KCNJ16: variants seen among roughly 807,000 people sequenced by gnomAD.
KCNJ16 encodes potassium inwardly rectifying channel subfamily J member 16.
Under a neutral mutation model 18.5 loss-of-function variants are expected in KCNJ16, and 15 were observed. That is an observed-to-expected ratio of 0.81 (90% CI 0.54 to 1.25). The LOEUF (loss-of-function observed/expected upper bound fraction) is 1.25, where lower values mean the gene tolerates loss of function less well. Among genes scored for constraint, KCNJ16 ranks in the 50% most tolerant of loss-of-function variants. The pLI is 0.00. For synonymous variants in KCNJ16, 174 were observed against 186.5 expected, an observed-to-expected ratio of 0.93 and a Z score of 0.55; for missense variants, 523 against 525.7, an observed-to-expected ratio of 0.99 and a Z score of 0.05.
chr17:70,101,447 A>G (rs573974087), intron 2 of KCNJ16: 2 of 152,338 alleles, frequency 1.3e-5, no homozygotes, highest in African/African-American at 2.4e-5. Flanking sequence ...CTACATTAAC[A>G]TATCAATCTG....
intron 2 of KCNJ16, among the ~76,000 whole-genome samples, chr17:70,103,900 C>G (rs960430343): frequency 8.6e-5 from 13 of 150,494 alleles, no homozygotes; most frequent in Admixed American, 8.0e-4. Flanking sequence ...ATTTACTGTG[C>G]TATTTATTGG....
chr17:70,081,058 T>C (rs2071531833), intron 1 of KCNJ16, among the ~76,000 whole-genome samples: 1 of 152,226 alleles, frequency 6.6e-6, no homozygotes, highest in Non-Finnish European at 1.5e-5. Context: ...TTCTATTTGT[T>C]TATTTTATTG....
intron 2 of KCNJ16, chr17:70,128,504 T>C (rs2073937494): frequency 6.6e-6 from 1 of 152,152 alleles, no homozygotes; most frequent in South Asian, 2.1e-4. Flanking sequence ...TAAACGTTGA[T>C]GGAAACGCTT....
intron 1 of KCNJ16, among the ~76,000 whole-genome samples, chr17:70,077,961 C>T (rs1461047750): frequency 6.6e-6 from 1 of 152,106 alleles, no homozygotes; most frequent in Non-Finnish European, 1.5e-5. Flanking sequence ...AGCTGGTTAG[C>T]TTCTGCAGAC....
Position 70,132,755 on chromosome 17 carries a change from A to G in KCNJ16, c.668A>G (p.Tyr223Cys). The G allele has an allele frequency of 1.9e-6, 3 of 1,614,026 alleles. No homozygotes were observed. The highest frequency in any genetic ancestry group is 1.1e-5 in the South Asian group (1 of 91,090). Residue 223 changes from tyrosine (Y) to cysteine (C), a missense_variant, in exon 4 of 4, where the codon TAT becomes TGT. Transcript: ENST00000392671. Reference protein sequence around the residue: ...EGTVRAQLLRYTEDSEGRMTM... With the variant: ...EGTVRAQLLRCTEDSEGRMTM... ...ACAGTTAGAGCCCAACTTCTCCGCT[A>G]TACAGAAGACAGTGAAGGGAGGATG... is the stretch of plus-strand genomic sequence containing the variant.
At chr17:70,120,950 A>ACC (rs1193940344) in intron 2 of KCNJ16, among the ~76,000 whole-genome samples, 1 of 152,008 alleles carries the variant, frequency 6.6e-6, no homozygotes, top group Non-Finnish European at 1.5e-5. Context: ...AAAGCTTATT[A>ACC]CCCCCTCTTT....
At position 70,132,890 on chromosome 17, in the gene KCNJ16, G is replaced by A. The variant is rs200564862; in HGVS notation, c.803G>A (p.Arg268His). The A allele has an allele frequency of 2.7e-5, 44 of 1,613,968 alleles. No homozygotes were observed. Among genetic ancestry groups the A allele is most frequent in the South Asian group, 7.7e-5 (7 of 91,080 alleles). ...GAGAGCCCTCTGTATGCCCTTGACCGCAAAGCAGTAGCCAAAGATAACTTT... is the reference window on the plus strand; with the variant it reads ...GAGAGCCCTCTGTATGCCCTTGACCACAAAGCAGTAGCCAAAGATAACTTT... ...DHESPLYALD[R>H]KAVAKDNFEI... The change falls in exon 4 of 4, where the codon CGC becomes CAC. Residue 268 changes from arginine to histidine, a missense_variant. Arg to His is a conservative substitution (Grantham distance 29). Coordinates refer to ENST00000392671, the MANE Select transcript of KCNJ16 (RefSeq NM_170741.4).
intron 2 of KCNJ16, chr17:70,101,983 T>C (rs903074634): frequency 6.6e-6 from 1 of 151,496 alleles, no homozygotes; most frequent in African/African-American, 2.4e-5. Flanking sequence ...GATTTAAGAA[T>C]TAAGTGAAGT....
At chr17:70,078,781 T>C (rs1213138777) in intron 1 of KCNJ16, among the ~76,000 whole-genome samples, 2 of 152,142 alleles carry the variant, frequency 1.3e-5, no homozygotes, top group Non-Finnish European at 2.9e-5. Flanking sequence ...AGCACCATCA[T>C]AACATAACGT....
At chr17:70,086,950 G>A (rs1281206893) in intron 1 of KCNJ16, among the ~76,000 whole-genome samples, 1 of 152,090 alleles carries the variant, frequency 6.6e-6, no homozygotes, top group East Asian at 1.9e-4. Context: ...CCAGGCTGGA[G>A]TGCAATGGTG....
intron 1 of KCNJ16, chr17:70,096,736 T>C (rs1180725863): frequency 2.6e-6 from 1 of 378,722 alleles, no homozygotes; most frequent in Non-Finnish European, 4.7e-6. Flanking sequence ...ACCTTCTCCT[T>C]TATTGAGAAT....
At chr17:70,080,275 C>A (rs904049579) in intron 1 of KCNJ16, among the ~76,000 whole-genome samples, 2 of 152,158 alleles carry the variant, frequency 1.3e-5, no homozygotes, top group African/African-American at 2.4e-5. Flanking sequence ...ATACCAAGAT[C>A]TCTGAGAAAC....
chr17:70,122,171 G>A (rs775875986), intron 2 of KCNJ16, among the ~76,000 whole-genome samples: 33 of 143,230 alleles, frequency 2.3e-4, no homozygotes, highest in Non-Finnish European at 4.8e-4. Flanking sequence ...CTTGCATATC[G>A]GATACTTTTT....
intron 2 of KCNJ16, among the ~76,000 whole-genome samples, chr17:70,103,321 T>TACACAC (rs1321986647): frequency 3.1e-4 from 14 of 44,482 alleles, no homozygotes; most frequent in East Asian, 9.3e-4. Context: ...TATATATATA[T>TACACAC]ACACACACAT....
chr17:70,129,014 T>C (rs2073964250), intron 2 of KCNJ16, among the ~76,000 whole-genome samples: 1 of 152,228 alleles, frequency 6.6e-6, no homozygotes, highest in African/African-American at 2.4e-5. Flanking sequence ...GGCAGCCCTC[T>C]TCCTGCTTCT....
chr17:70,109,561 T>C (rs921957386), intron 2 of KCNJ16, among the ~76,000 whole-genome samples: 14 of 149,978 alleles, frequency 9.3e-5, no homozygotes, highest in Admixed American at 8.7e-4. Context: ...CCTCTTTCTC[T>C]TCCCCCTGTT....
chr17:70,126,960 G>C (rs1035996004), intron 2 of KCNJ16, among the ~76,000 whole-genome samples: 3 of 150,446 alleles, frequency 2.0e-5, no homozygotes, highest in Non-Finnish European at 2.9e-5. Flanking sequence ...AGGATCTCCA[G>C]ATAACGTTAC....
At chr17:70,124,527 A>G (rs1236159861) in intron 2 of KCNJ16, among the ~76,000 whole-genome samples, 1 of 152,198 alleles carries the variant, frequency 6.6e-6, no homozygotes, top group Non-Finnish European at 1.5e-5. Flanking sequence ...TCCTTATACA[A>G]TGAAAGGAGG....
intron 1 of KCNJ16, among the ~76,000 whole-genome samples, chr17:70,095,365 A>G (rs1038634024): frequency 1.3e-5 from 2 of 152,206 alleles, no homozygotes; most frequent in African/African-American, 4.8e-5. Context: ...AACTTGGTCA[A>G]TGACTCTCAG....
Sources: allele counts gnomAD v4.1 joint callset (sites outside exome capture counted in the v4.1 genomes callset), GRCh38; gene constraint gnomAD v4.1.1; transcripts MANE v1.5; gene names NCBI Gene and HGNC (gene_info 2026-07-23, HGNC 2026-07-21).